TEX9: variants seen among roughly 807,000 people sequenced by gnomAD.
TEX9 encodes testis expressed 9.
TEX9 carries 74 observed loss-of-function variants against 59.6 expected under a neutral mutation model. The observed-to-expected ratio is 1.24, with a 90% confidence interval of 1.03 to 1.51. The LOEUF (loss-of-function observed/expected upper bound fraction) is 1.51, where lower values mean the gene tolerates loss of function less well. TEX9 is among the 40% of genes most tolerant of loss of function. The pLI is 0.00. For missense variants in TEX9, 522 were observed against 447.8 expected, an observed-to-expected ratio of 1.17 and a Z score of -1.49; for synonymous variants, 186 against 152.2, an observed-to-expected ratio of 1.22 and a Z score of -1.64.
chr15:56,411,725 ACT>A (rs1400974365), intron 9 of TEX9, among the ~76,000 whole-genome samples: 2 of 152,128 alleles, frequency 1.3e-5, no homozygotes, highest in African/African-American at 4.8e-5. Flanking sequence ...TGGCCTGTTG[ACT>A]CTCTGCAACA....
chr15:56,298,178 A>G (rs2045261111), intron 1 of TEX9, among the ~76,000 whole-genome samples: 1 of 152,206 alleles, frequency 6.6e-6, no homozygotes, highest in Admixed American at 6.5e-5. Context: ...TATTTGAGAC[A>G]GTACCACCCT....
the TEX9 span, among the ~76,000 whole-genome samples, chr15:56,459,783 G>A: frequency 6.6e-6 from 1 of 151,014 alleles, no homozygotes; most frequent in Non-Finnish European, 1.5e-5. Context: ...CTTAGGTTGG[G>A]AGTTGGAGAC....
intron 1 of TEX9, among the ~76,000 whole-genome samples, chr15:56,297,780 C>G (rs2045251662): frequency 6.6e-6 from 1 of 152,230 alleles, no homozygotes; most frequent in African/African-American, 2.4e-5. Flanking sequence ...GCTGGGGTAA[C>G]AGGCGTGAGC....
intron 2 of TEX9, among the ~76,000 whole-genome samples, chr15:56,370,900 G>A (rs570838360): frequency 6.6e-6 from 1 of 152,148 alleles, no homozygotes; most frequent in Non-Finnish European, 1.5e-5. Context: ...CTGTTGCCCA[G>A]GCTGGAGTGG....
rs1221060057 is a variant in TEX9, at chr15:56,315,306, G to C, written c.-106-58135G>C. Among the ~76,000 whole-genome samples the C allele has an allele frequency of 1.7e-4, 24 of 144,570 alleles. No individual in the cohort carries two copies. The East Asian group carries it at 4.8e-3, about 29-fold the overall frequency. 94.8% of individuals were successfully genotyped at this position (144,570 alleles called of 152,430 possible). A position where few individuals can be genotyped will look rare whatever the true frequency, so the allele number is the denominator to read the frequency against. On this transcript the variant is annotated intron_variant, in intron 1 of 5. Transcript: ENST00000560827. ...GCTGGTACCGGTTGTTCCTTTCCAT[G>C]TTTAGTGCTTCCTTCAGGAGCTCTT...
At chr15:56,431,278 A>T (rs1298362758) in intron 12 of TEX9, 2 of 1,440,832 alleles carry the variant, frequency 1.4e-6, no homozygotes, top group African/African-American at 2.9e-5. Flanking sequence ...CCGAGCAAGA[A>T]GTGAGCAAAA....
At position 56,427,625 on chromosome 15, in the gene TEX9, CA is replaced by C; in HGVS notation, c.991del (p.Ile331LeufsTer4). 1.3e-6 allele frequency: 2 copies of C among 1,528,998 alleles called. No individual in the cohort carries two copies. The highest frequency in any genetic ancestry group is 1.8e-6 in the Non-Finnish European group (2 of 1,139,830). 94.7% of individuals were successfully genotyped at this position (1,528,998 alleles called of 1,614,324 possible). ...TGTAGGACATAGCAAATGAAGAACA[CA>C]AAAAAATTGAAGTGTTAAAATCAGA... On this transcript the variant is annotated frameshift_variant, in exon 11 of 13. Coordinates refer to ENST00000352903, the Ensembl canonical transcript of TEX9. LOFTEE classifies it high-confidence loss of function.
At chr15:56,320,563 GTGT>G (rs2045879403) in intron 1 of TEX9, among the ~76,000 whole-genome samples, 1 of 152,152 alleles carries the variant, frequency 6.6e-6, no homozygotes, top group Non-Finnish European at 1.5e-5. Flanking sequence ...ACTCACCCTG[GTGT>G]TGTTTCTTCT....
At chr15:56,336,005 A>G (rs766746177) in intron 1 of TEX9, among the ~76,000 whole-genome samples, 3 of 152,184 alleles carry the variant, frequency 2.0e-5, no homozygotes, top group Non-Finnish European at 2.9e-5. Context: ...ATTTATTTAC[A>G]TTTATGGATA....
chr15:56,246,972 T>G (rs553003343), intron 1 of TEX9, among the ~76,000 whole-genome samples: 1 of 152,340 alleles, frequency 6.6e-6, no homozygotes, highest in South Asian at 2.1e-4. Context: ...TTAGAGAGTA[T>G]CTACAAGATG....
In TEX9 at chr15:56,355,629, T is replaced by C. The variant is rs528238478; in HGVS notation, c.-106-17812T>C. Among the ~76,000 whole-genome samples, 123 of 152,274 alleles carry C rather than the reference T, an allele frequency of 8.1e-4. 1 individual carries two copies. Among genetic ancestry groups the C allele is most frequent in the South Asian group, 2.1e-3 (10 of 4,828 alleles). ...CTTTCCATCTAATTTTAGAATCAGC[T>C]GATAAATTTCTACAAAAGTTTTGCT... is the stretch of plus-strand genomic sequence containing the variant. On this transcript the variant is annotated intron_variant, in intron 1 of 5. Transcript: ENST00000560827.
chr15:56,394,284 C>T, intron 8 of TEX9, 37 bp downstream of exon 8: 1 of 1,493,828 alleles, frequency 6.7e-7, no homozygotes, highest in East Asian at 2.3e-5. Flanking sequence ...CTCTAATATT[C>T]AAAGATATTT....
rs747418734 is a variant in TEX9 at position 56,429,071 on chromosome 15, A to T, written c.*29+598A>T. The T allele has an allele frequency of 4.1e-6, 6 of 1,453,728 alleles. No individual in the cohort carries two copies. The Admixed American group carries it at 1.0e-4, about 24-fold the overall frequency. 90.1% of individuals were successfully genotyped at this position (1,453,728 alleles called of 1,614,324 possible). On this transcript the variant is annotated intron_variant, in intron 12 of 12. Transcript: ENST00000352903. ...CTGACATCTAGTGGTAACATGCAAA[A>T]AATCTATGCTTTACCCAATTTTGAT...
At chr15:56,389,499 T>C (rs1020223396) in intron 6 of TEX9, 99 bp downstream of exon 6, 88 of 856,742 alleles carry the variant, frequency 1.0e-4, no homozygotes, top group South Asian at 3.6e-4. Flanking sequence ...TCCAGATCTT[T>C]TTACACCCTA....
At position 56,268,994 on chromosome 15, in the gene TEX9, A is replaced by G. The variant is rs146623639; in HGVS notation, c.-107+24716A>G. On this transcript the variant is annotated intron_variant, in intron 1 of 5. Coordinates refer to the TEX9 transcript ENST00000560827. The stretch of plus-strand genomic sequence containing the variant: ...TTGGTAGGCTATTAATGATTGCCTC[A>G]ATTTCAGATCCTGTTATTGGTCTAT... Among the ~76,000 whole-genome samples the G allele has an allele frequency of 2.1e-3, 325 of 152,162 alleles. 2 individuals carry two copies. The highest frequency in any genetic ancestry group is 6.7e-3 in the African/African-American group (279 of 41,496).
In TEX9 at chr15:56,284,671, C is replaced by G. The variant is rs2044903192; in HGVS notation, c.-107+40393C>G. On this transcript the variant is annotated intron_variant, in intron 1 of 5. Transcript: ENST00000560827. ...TGCCTCTTTACCAGTATTTCCAGTC[C>G]TATTTGATGGCCCTACTATCCACTA... Among the ~76,000 whole-genome samples the G allele has an allele frequency of 2.0e-5, 3 of 152,096 alleles. No individual in the cohort carries two copies. The South Asian group carries it at 6.2e-4, about 31-fold the overall frequency.
chr15:56,366,921 C>A (rs992317752), intron 2 of TEX9, among the ~76,000 whole-genome samples: 1 of 152,140 alleles, frequency 6.6e-6, no homozygotes, highest in Non-Finnish European at 1.5e-5. Flanking sequence ...TATCCCAGTT[C>A]AAAAGTGTAC....
At position 56,385,469 on chromosome 15, in the gene TEX9, A is replaced by T. The variant is rs76517979; in HGVS notation, c.263+1438A>T. ...TAAATGGCACATAGTGAAACTTTTC[A>T]TTTGGGTAAAATGGCCCATGGCAAA... On this transcript the variant is annotated intron_variant, in intron 4 of 12. Coordinates refer to ENST00000352903, the Ensembl canonical transcript of TEX9. 9.5e-4 allele frequency among the ~76,000 whole-genome samples: 144 copies of T among 152,288 alleles called. 6 individuals are homozygous for T. The East Asian group carries it at 0.025, about 27-fold the overall frequency.
intron 1 of TEX9, among the ~76,000 whole-genome samples, chr15:56,304,058 TAACA>T (rs1311418733): frequency 1.3e-5 from 2 of 152,220 alleles, no homozygotes; most frequent in Non-Finnish European, 2.9e-5. Flanking sequence ...TGTTGAATTC[TAACA>T]AACACTTAAA....
Sources: allele counts gnomAD v4.1 joint callset (sites outside exome capture counted in the v4.1 genomes callset), GRCh38; gene constraint gnomAD v4.1.1; transcripts MANE v1.5; gene names NCBI Gene and HGNC (gene_info 2026-07-23, HGNC 2026-07-21).